SLC8A1: variants seen among roughly 807,000 people sequenced by gnomAD.
SLC8A1 encodes the protein sodium/calcium exchanger 1.
SLC8A1 carries 18 observed loss-of-function variants against 68.3 expected under a neutral mutation model. That is an observed-to-expected ratio of 0.26 (90% CI 0.18 to 0.39). SLC8A1 has a LOEUF of 0.39. Ranked by LOEUF, SLC8A1 falls within the 10% of genes least tolerant of loss-of-function variation. The pLI is 1.00. For synonymous variants in SLC8A1, 475 were observed against 415.5 expected (o/e 1.14, Z -1.74); for missense variants, 985 against 1,156.7 (o/e 0.85, Z 2.15).
At chr2:40,186,794 T>A (rs987817359) in intron 2 of SLC8A1, among the ~76,000 whole-genome samples, 3 of 152,206 alleles carry the variant, frequency 2.0e-5, no homozygotes, top group Non-Finnish European at 4.4e-5. Flanking sequence ...ATCTATCAAA[T>A]GAAGATAATA....
intron 2 of SLC8A1, among the ~76,000 whole-genome samples, chr2:40,235,183 C>T (rs1459224721): frequency 7.2e-5 from 11 of 151,890 alleles, no homozygotes; most frequent in African/African-American, 2.2e-4. Flanking sequence ...GGTACCAGTT[C>T]CTCCTTGTAC....
intron 6 of SLC8A1, 141 bp from the exon 10 acceptor site, chr2:40,139,817 C>A: frequency 1.2e-6 from 1 of 816,836 alleles, no homozygotes; most frequent in African/African-American, 1.7e-5. Context: ...TTAGGGTTTT[C>A]CAAGAGTTAA....
At chr2:40,464,330 C>T (rs1417488042) in intron 1 of SLC8A1, among the ~76,000 whole-genome samples, 1 of 152,164 alleles carries the variant, frequency 6.6e-6, no homozygotes, top group South Asian at 2.1e-4. Context: ...AGAGACAACG[C>T]ATTTCATAAC....
At chr2:40,495,409 G>A (rs565591994) in intron 1 of SLC8A1, among the ~76,000 whole-genome samples, 1 of 152,034 alleles carries the variant, frequency 6.6e-6, no homozygotes, top group Non-Finnish European at 1.5e-5. Flanking sequence ...CGAAGGATCC[G>A]AGTTCAGGAC....
chr2:40,234,962 G>A (rs1042573621), intron 2 of SLC8A1, among the ~76,000 whole-genome samples: 3 of 152,084 alleles, frequency 2.0e-5, no homozygotes, highest in African/African-American at 7.2e-5. Flanking sequence ...ACTTGATCAT[G>A]GTGGATAAGC....
intron 5 of SLC8A1, among the ~76,000 whole-genome samples, chr2:40,164,504 T>G (rs1463736894): frequency 1.3e-5 from 2 of 152,218 alleles, no homozygotes; most frequent in East Asian, 3.9e-4. Context: ...ATTAGCATTT[T>G]CAAATAGAAC....
At chr2:40,442,265 A>C (rs527332732) in intron 1 of SLC8A1, among the ~76,000 whole-genome samples, 1 of 149,750 alleles carries the variant, frequency 6.7e-6, no homozygotes, top group Non-Finnish European at 1.5e-5. Flanking sequence ...TGATAATTCA[A>C]AAAAAAAAGA....
chr2:40,320,072 T>C (rs2287053), intron 2 of SLC8A1, among the ~76,000 whole-genome samples: 32,896 of 152,002 alleles, frequency 0.22, 4,335 homozygotes, highest in East Asian at 0.38. Flanking sequence ...TCAATAAATA[T>C]TGGTATTTGT....
intron 1 of SLC8A1, among the ~76,000 whole-genome samples, chr2:40,483,492 C>T (rs1326149138): frequency 1.3e-5 from 2 of 152,086 alleles, no homozygotes; most frequent in Non-Finnish European, 2.9e-5. Flanking sequence ...ATCCTAACCT[C>T]CGCAAGAGAA....
At chr2:40,406,843 G>T (rs769656364) in intron 2 of SLC8A1, among the ~76,000 whole-genome samples, 4 of 152,178 alleles carry the variant, frequency 2.6e-5, no homozygotes, top group Non-Finnish European at 5.9e-5. Context: ...TGCCACTTTG[G>T]ATTGAAACCG....
intron 1 of SLC8A1, among the ~76,000 whole-genome samples, chr2:40,499,813 T>C (rs1466479671): frequency 1.3e-5 from 2 of 152,100 alleles, no homozygotes; most frequent in Non-Finnish European, 2.9e-5. Context: ...AGAATCTGTT[T>C]TTCTGGAACA....
chr2:40,163,219 C>G (rs1374735948), intron 5 of SLC8A1, among the ~76,000 whole-genome samples: 1 of 152,140 alleles, frequency 6.6e-6, no homozygotes, highest in African/African-American at 2.4e-5. Flanking sequence ...CCCAAGAAGG[C>G]TTTGCTGCCT....
chr2:40,242,132 A>ATG (rs980579260), intron 2 of SLC8A1, among the ~76,000 whole-genome samples: 21 of 151,322 alleles, frequency 1.4e-4, no homozygotes, highest in African/African-American at 4.4e-4. Flanking sequence ...TGTGAGAAGG[A>ATG]TGTGTGTGTG....
At chr2:40,115,989 T>A (rs1290999857) in intron 7 of SLC8A1, among the ~76,000 whole-genome samples, 1 of 152,182 alleles carries the variant, frequency 6.6e-6, no homozygotes, top group African/African-American at 2.4e-5. Flanking sequence ...AGAGTGAGTA[T>A]TGCAAGGTGC....
At chr2:40,300,782 C>T (rs1205163230) in intron 2 of SLC8A1, among the ~76,000 whole-genome samples, 1 of 152,106 alleles carries the variant, frequency 6.6e-6, no homozygotes, top group Non-Finnish European at 1.5e-5. Context: ...AATCGAGCTG[C>T]AGCAGTCATT....
intron 2 of SLC8A1, among the ~76,000 whole-genome samples, chr2:40,402,920 A>AT (rs894895355): frequency 2.0e-5 from 3 of 152,108 alleles, no homozygotes; most frequent in South Asian, 4.1e-4. Flanking sequence ...GTGCCATTTG[A>AT]TTTTTTATTT....
At chr2:40,327,116 TC>T (rs2149359971) in intron 2 of SLC8A1, among the ~76,000 whole-genome samples, 1 of 152,360 alleles carries the variant, frequency 6.6e-6, no homozygotes, top group East Asian at 1.9e-4. Flanking sequence ...TTTAATTTAT[TC>T]CCTTTCAATC....
intron 1 of SLC8A1, among the ~76,000 whole-genome samples, chr2:40,468,743 T>C (rs549200111): frequency 1.3e-5 from 2 of 152,212 alleles, no homozygotes; most frequent in South Asian, 2.1e-4. Flanking sequence ...TTTTGTTGCA[T>C]CTAGGTCTCT....
At chr2:40,368,669 T>C (rs1677033488) in intron 2 of SLC8A1, among the ~76,000 whole-genome samples, 2 of 152,082 alleles carry the variant, frequency 1.3e-5, no homozygotes, top group Non-Finnish European at 1.5e-5. Flanking sequence ...TGGGGGTTTG[T>C]TGTACAGATT....
Sources: gnomAD v4.1 joint callset for allele counts (sites outside exome capture counted in the v4.1 genomes callset) on GRCh38, gnomAD v4.1.1 for gene constraint, MANE v1.5 for transcripts, NCBI Gene and HGNC (gene_info 2026-07-23, HGNC 2026-07-21) for gene names.